The following TSG101 variants were observed in gnomAD, a reference collection of about 807,000 sequenced individuals.
TSG101 encodes tumor susceptibility 101.
A neutral mutation model predicts 48.5 loss-of-function variants in TSG101; 19 were observed. That is an observed-to-expected ratio of 0.39 (90% CI 0.27 to 0.58). TSG101 has a LOEUF of 0.58. TSG101 is among the 20% of genes least tolerant of loss of function. The pLI is 0.55. For missense variants in TSG101, 365 were observed against 484.4 expected (o/e 0.75, Z 2.31); for synonymous variants, 174 against 169.4 (o/e 1.03, Z -0.21).
intron 7 of TSG101, among the ~76,000 whole-genome samples, chr11:18,501,032 T>G (rs539973651): frequency 1.2e-3 from 180 of 152,284 alleles, no homozygotes; most frequent in African/African-American, 4.1e-3. Flanking sequence ...GGTCTTGAAC[T>G]CCTCACCTCA....
At chr11:18,521,581 C>A (rs1286270299) in intron 1 of TSG101, among the ~76,000 whole-genome samples, 2 of 150,410 alleles carry the variant, frequency 1.3e-5, no homozygotes, top group Admixed American at 6.7e-5. Context: ...GTTGCCCAAG[C>A]TGTTCTCAAA....
rs1382754386 is a variant in TSG101, at chr11:18,483,897, C to T, written c.816G>A (p.Glu272=). 48 of 1,614,074 alleles carry T rather than the reference C, an allele frequency of 3.0e-5. No homozygotes were observed. Among genetic ancestry groups the T allele is most frequent in the Non-Finnish European group, 3.4e-5 (40 of 1,180,056 alleles). ...CTTCTTGATCTAAACGGGTAACCATCTCTTCCAGTTTCTGGTGACCCTTTT... is the reference window on the plus strand; with the variant it reads ...CTTCTTGATCTAAACGGGTAACCATTTCTTCCAGTTTCTGGTGACCCTTTT... The part of the protein sequence containing the change: ...DLKKGHQKLE[E]MVTRLDQEVA... The change falls in exon 8 of 10, where the codon GAG becomes GAA. Residue 272 remains glutamate (E), a synonymous_variant. Transcript: ENST00000251968.
Position 18,480,382 on chromosome 11 carries a change from A to G in TSG101, c.*164T>C. On this transcript the variant is annotated 3_prime_UTR_variant, in exon 10 of 10. Coordinates refer to ENST00000251968, the MANE Select transcript of TSG101 (RefSeq NM_006292.4). ...GTTTACAGAGGATAGAAAGTGCATT[A>G]ATAAAAGCCAGTCTTTACCAAAAGA... 2 of 523,228 alleles carry G rather than the reference A, an allele frequency of 3.8e-6. No individual in the cohort carries two copies. The highest frequency in any genetic ancestry group is 6.6e-6 in the Non-Finnish European group (2 of 303,582). The allele number at this position is 523,228 out of a possible 1,614,324, so 32.4% of individuals were successfully genotyped here. A position where few individuals can be genotyped will look rare whatever the true frequency, so the allele number is the denominator to read the frequency against.
chr11:18,500,327 C>T (rs1054198492), intron 7 of TSG101, among the ~76,000 whole-genome samples: 15 of 152,048 alleles, frequency 9.9e-5, no homozygotes, highest in African/African-American at 3.6e-4. Flanking sequence ...ATTTCCTTTC[C>T]CTTGGATAAA....
At chr11:18,514,541 C>A in intron 4 of TSG101, 137 bp downstream of exon 4, 1 of 548,652 alleles carries the variant, frequency 1.8e-6, no homozygotes, top group Non-Finnish European at 2.8e-6. Context: ...TCTAATTTAC[C>A]CTCAACTCAG....
chr11:18,484,882 T>A (rs934898681), intron 7 of TSG101, among the ~76,000 whole-genome samples: 3 of 152,082 alleles, frequency 2.0e-5, no homozygotes, highest in African/African-American at 7.2e-5. Context: ...TAATTATGTT[T>A]GATTATAAAA....
intron 1 of TSG101, among the ~76,000 whole-genome samples, chr11:18,523,364 G>A (rs1252239475): frequency 6.6e-6 from 1 of 152,080 alleles, no homozygotes; most frequent in African/African-American, 2.4e-5. Flanking sequence ...CGTACTTCTT[G>A]ATGTATTTAT....
At chr11:18,526,715 G>A (rs1182019283) in intron 1 of TSG101, 60 bp downstream of exon 1, 4 of 1,571,678 alleles carry the variant, frequency 2.5e-6, no homozygotes, top group South Asian at 1.1e-5. Context: ...GGACGGACTC[G>A]ACAGGGCGCG....
At chr11:18,482,581 C>T (rs1381476051) in intron 8 of TSG101, among the ~76,000 whole-genome samples, 1 of 152,212 alleles carries the variant, frequency 6.6e-6, no homozygotes, top group Non-Finnish European at 1.5e-5. Context: ...GCTGATGCTT[C>T]CACTTTATCA....
rs1850388582 is a variant in TSG101 at position 18,526,920 on chromosome 11, C to G, written c.-104G>C. 7.6e-7 allele frequency: 1 copy of G among 1,319,940 alleles called. No individual in the cohort carries two copies. The highest frequency in any genetic ancestry group is 1.0e-6 in the Non-Finnish European group (1 of 960,994). 81.8% of individuals were successfully genotyped at this position (1,319,940 alleles called of 1,614,324 possible). A position where few individuals can be genotyped will look rare whatever the true frequency, so the allele number is the denominator to read the frequency against. Reference sequence around the variant, plus strand: ...CGCACACCCCCAACCCGGCCTCAAACAACAGGAAGTCGGCACCACTACACC... The same window carrying G: ...CGCACACCCCCAACCCGGCCTCAAAGAACAGGAAGTCGGCACCACTACACC... On this transcript the variant is annotated 5_prime_UTR_variant, in exon 1 of 10. Coordinates refer to ENST00000251968, the MANE Select transcript of TSG101 (RefSeq NM_006292.4).
intron 6 of TSG101, among the ~76,000 whole-genome samples, chr11:18,504,060 G>T (rs1463452991): frequency 1.3e-5 from 2 of 151,982 alleles, no homozygotes; most frequent in Admixed American, 1.3e-4. Flanking sequence ...AATTAGCTAG[G>T]TGTAGGGGCA....
intron 6 of TSG101, among the ~76,000 whole-genome samples, chr11:18,504,905 A>T (rs1257399200): frequency 1.3e-5 from 2 of 152,220 alleles, no homozygotes. Context: ...ATCTAAAATG[A>T]ATAACCTGCT....
rs142658759 is a variant in TSG101 at position 18,506,863 on chromosome 11, T to C, written c.542A>G (p.Asn181Ser). Residue 181 changes from asparagine to serine, a missense_variant, in exon 6 of 10, where the codon AAT becomes AGT. Asn to Ser is a conservative substitution (Grantham distance 46). Transcript: ENST00000251968. The part of the protein sequence containing the change: ...ISPYPSGYPP[N>S]PSGYPGCPYP... ...AAAGAACGTTTTTCATTACCTGGGA[T>C]TGGGAGGGTATCCGGATGGGTATGG... is the stretch of plus-strand genomic sequence containing the variant. 4.4e-6 allele frequency: 7 copies of C among 1,593,924 alleles called. No individual in the cohort carries two copies. In the African/African-American group the frequency reaches 5.4e-5, roughly 12 times the overall value.
At position 18,481,749 on chromosome 11, in the gene TSG101, C is replaced by A. The variant is rs767709099; in HGVS notation, c.964G>T (p.Ala322Ser). 2.5e-6 allele frequency: 4 copies of A among 1,614,070 alleles called. No individual in the cohort carries two copies. The highest frequency in any genetic ancestry group is 1.3e-5 in the African/African-American group (1 of 74,928). The stretch of plus-strand genomic sequence containing the variant: ...TTCAGGATCTGTTTGTATAAGGGAG[C>A]TGTGGGAATGATAACTTCATCGATA... ...NDIDEVIIPT[A>S]PLYKQILNLY... Residue 322 changes from alanine to serine, a missense_variant, in exon 9 of 10, where the codon GCT (alanine) becomes TCT (serine). Coordinates refer to ENST00000251968, the MANE Select transcript of TSG101 (RefSeq NM_006292.4).
At chr11:18,497,904 T>C (rs929180233) in intron 7 of TSG101, among the ~76,000 whole-genome samples, 1 of 152,122 alleles carries the variant, frequency 6.6e-6, no homozygotes, top group African/African-American at 2.4e-5. Flanking sequence ...TAACCCTTTA[T>C]GGGGTGGGGG....
chr11:18,494,065 TAAAC>T (rs1415493559), intron 7 of TSG101, among the ~76,000 whole-genome samples: 1 of 152,024 alleles, frequency 6.6e-6, no homozygotes, highest in Non-Finnish European at 1.5e-5. Flanking sequence ...TTCTTGAAAA[TAAAC>T]ACACACCACA....
intron 4 of TSG101, 134 bp from the exon 5 acceptor site, chr11:18,509,799 TTTAA>T: frequency 1.1e-6 from 1 of 946,594 alleles, no homozygotes; most frequent in Non-Finnish European, 1.5e-6. Flanking sequence ...GAAAATTTCA[TTTAA>T]TTAATTTATT....
rs188819972 is a variant in TSG101 at position 18,488,655 on chromosome 11, A to T, written c.641-4583T>A. Among the ~76,000 whole-genome samples the T allele has an allele frequency of 1.4e-3, 212 of 152,304 alleles. 1 individual carries two copies. The highest frequency in any genetic ancestry group is 4.6e-3 in the African/African-American group (193 of 41,562). On this transcript the variant is annotated intron_variant, in intron 7 of 9. Transcript: ENST00000251968. The stretch of plus-strand genomic sequence containing the variant: ...TGCTAGAAGTTCTTCTCAAGTCTTT[A>T]AAGCCAGGCTTGCTCACCAAGTTGC...
intron 7 of TSG101, chr11:18,490,599 TCTC>T: frequency 4.3e-6 from 2 of 465,374 alleles, no homozygotes; most frequent in Non-Finnish European, 8.4e-6. Context: ...CCTAAAATAA[TCTC>T]CTTTCATTTT....
Sources: gnomAD v4.1 joint callset for allele counts (sites outside exome capture counted in the v4.1 genomes callset) on GRCh38, gnomAD v4.1.1 for gene constraint, MANE v1.5 for transcripts, NCBI Gene and HGNC (gene_info 2026-07-23, HGNC 2026-07-21) for gene names.